The following KCNK17 variants were observed in gnomAD, a reference collection of about 807,000 sequenced individuals.
KCNK17 encodes potassium two pore domain channel subfamily K member 17.
Under a neutral mutation model 24.6 loss-of-function variants are expected in KCNK17, and 27 were observed. The observed-to-expected ratio is 1.10, with a 90% CI of 0.81 to 1.51. The LOEUF (loss-of-function observed/expected upper bound fraction) is 1.51. Ranked by LOEUF, KCNK17 falls within the 40% of genes most tolerant of loss-of-function variation. The pLI, the probability that KCNK17 is intolerant of heterozygous loss-of-function variation, is 0.00. For synonymous variants in KCNK17, 181 were observed against 189.8 expected (o/e 0.95, Z 0.38); for missense variants, 450 against 436.6 (o/e 1.03, Z -0.27).
At chr6:39,310,670 G>GA (rs1311140555) in intron 2 of KCNK17, among the ~76,000 whole-genome samples, 1 of 152,156 alleles carries the variant, frequency 6.6e-6, no homozygotes, top group Non-Finnish European at 1.5e-5. Context: ...CTCGAACAGT[G>GA]CACATGAATC....
At chr6:39,311,330 T>TTTCTC in intron 1 of KCNK17, among the ~76,000 whole-genome samples, 1 of 152,174 alleles carries the variant, frequency 6.6e-6, no homozygotes, top group East Asian at 1.9e-4. Flanking sequence ...TCACTCCCAT[T>TTTCTC]CCTGCAACAA....
At position 39,304,508 on chromosome 6, in the gene KCNK17, C is replaced by G; in HGVS notation, c.500G>C (p.Gly167Ala). Residue 167 changes from glycine to alanine, a missense_variant, in exon 3 of 5, where the codon GGG (glycine) becomes GCG (alanine). Coordinates refer to ENST00000373231, the MANE Select transcript of KCNK17 (RefSeq NM_031460.4). ...CAGCCCCCTCACCTGCCAGGTGCCCCCCAGCCTGCTGGCCCAGTGGTTTAC... is the reference window on the plus strand; with the variant it reads ...CAGCCCCCTCACCTGCCAGGTGCCCGCCAGCCTGCTGGCCCAGTGGTTTAC... ...QGVNHWASRL[G>A]GTWQDPDKAR... is the part of the protein sequence containing the mutation. 1 of 1,613,416 alleles carries G rather than the reference C, an allele frequency of 6.2e-7. No homozygotes were observed. The highest frequency in any genetic ancestry group is 8.5e-7 in the Non-Finnish European group (1 of 1,179,382).
At position 39,312,317 on chromosome 6, in the gene KCNK17, A is replaced by G. The variant is rs1331588963; in HGVS notation, c.238-1310T>C. ...TGGTGCTCAGAAAGATCTGGGCTGG[A>G]TACCACATCCTTATTCCTGGAGTTG... On this transcript the variant is annotated intron_variant, in intron 1 of 4. Coordinates refer to ENST00000373231, the MANE Select transcript of KCNK17 (RefSeq NM_031460.4). Among the ~76,000 whole-genome samples the G allele has an allele frequency of 2.0e-5, 3 of 151,978 alleles. No homozygotes were observed. The East Asian group carries it at 5.8e-4, about 29-fold the overall frequency.
chr6:39,303,855 C>A (rs939229558), intron 4 of KCNK17, 102 bp downstream of exon 4: 115 of 1,339,874 alleles, frequency 8.6e-5, no homozygotes, highest in Non-Finnish European at 1.1e-4. Context: ...CAAAAGCCCC[C>A]ACATGGCGTG....
At chr6:39,304,287 T>G in intron 3 of KCNK17, 156 bp from the exon 4 acceptor site, 1 of 801,070 alleles carries the variant, frequency 1.2e-6, no homozygotes, top group Non-Finnish European at 2.0e-6. Flanking sequence ...CTGTGCCTCA[T>G]GTCCTTCCTG....
chr6:39,310,255 C>G (rs1474220694), intron 2 of KCNK17, among the ~76,000 whole-genome samples: 2 of 152,138 alleles, frequency 1.3e-5, no homozygotes, highest in East Asian at 3.9e-4. Flanking sequence ...TCAGCACCCT[C>G]CTGAGACAAG....
intron 2 of KCNK17, among the ~76,000 whole-genome samples, chr6:39,307,743 C>T (rs933311569): frequency 6.6e-6 from 1 of 152,210 alleles, no homozygotes; most frequent in Non-Finnish European, 1.5e-5. Flanking sequence ...CAGCATGTCT[C>T]CTCACTGCCA....
At chr6:39,303,671 G>A (rs187701596) in intron 4 of KCNK17, among the ~76,000 whole-genome samples, 58 of 152,264 alleles carry the variant, frequency 3.8e-4, no homozygotes, top group Non-Finnish European at 7.8e-4. Context: ...AGACCCTGGG[G>A]CAAGCATGGA....
Position 39,308,928 on chromosome 6 carries a change from C to A in KCNK17, c.352+1965G>T, listed in dbSNP as rs544611623. ...TGGTCAGCATCACAGAACCCTCACT[C>A]CCCTCCTGTTCACTCCACAATGGCT... On this transcript the variant is annotated intron_variant, in intron 2 of 4. Transcript: ENST00000373231. 5.9e-5 allele frequency among the ~76,000 whole-genome samples: 9 copies of A among 152,366 alleles called. No homozygotes were observed. The South Asian group carries it at 1.9e-3, about 32-fold the overall frequency.
At chr6:39,313,927 G>A (rs927013254) in intron 1 of KCNK17, among the ~76,000 whole-genome samples, 157 bp downstream of exon 1, 2 of 152,112 alleles carry the variant, frequency 1.3e-5, no homozygotes, top group African/African-American at 2.4e-5. Flanking sequence ...GCGCAGGAAC[G>A]CCCACCCCCG....
Position 39,310,830 on chromosome 6 carries a change from T to C in KCNK17, c.352+63A>G, listed in dbSNP as rs796249795. 60 of 1,134,548 alleles carry C rather than the reference T, an allele frequency of 5.3e-5. No homozygotes were observed. The African/African-American group carries it at 7.6e-4, about 14-fold the overall frequency. 70.3% of individuals were successfully genotyped at this position (1,134,548 alleles called of 1,614,324 possible). On this transcript the variant is annotated intron_variant, in intron 2 of 4. Transcript: ENST00000373231. Reference sequence around the variant, plus strand: ...ATCCCTCCAAAAGGCAACTAGCCTGTTGCCTCTCAGGGAGCTGCCTCCTTC... The same window carrying C: ...ATCCCTCCAAAAGGCAACTAGCCTGCTGCCTCTCAGGGAGCTGCCTCCTTC...
In KCNK17 at chr6:39,314,130, T is replaced by C; in HGVS notation, c.191A>G (p.Gln64Arg). ...CGGGCGGTCCAGACACGTGAAGTTC[T>C]GCAACAGCTCCCACTTGTCGCGCTG... is the stretch of plus-strand genomic sequence containing the variant. ...SFQRDKWELL[Q>R]NFTCLDRPAL... The change falls in exon 1 of 5, where the codon CAG becomes CGG. Residue 64 changes from glutamine to arginine, a missense_variant. By Grantham distance (43) the Gln-to-Arg change is conservative. Coordinates refer to ENST00000373231, the MANE Select transcript of KCNK17 (RefSeq NM_031460.4). The C allele has an allele frequency of 6.3e-7, 1 of 1,596,928 alleles. No homozygotes were observed. Among genetic ancestry groups the C allele is most frequent in the Non-Finnish European group, 8.5e-7 (1 of 1,174,758 alleles).
intron 4 of KCNK17, among the ~76,000 whole-genome samples, chr6:39,303,313 G>C (rs1458994867): frequency 7.2e-5 from 11 of 152,170 alleles, no homozygotes; most frequent in African/African-American, 2.7e-4. Flanking sequence ...TGATGAGGCT[G>C]AGCTGGGGCG....
intron 2 of KCNK17, among the ~76,000 whole-genome samples, chr6:39,305,812 C>T (rs933315119): frequency 2.6e-5 from 4 of 152,170 alleles, no homozygotes; most frequent in African/African-American, 4.8e-5. Context: ...CAGGTCCACT[C>T]GTGCCTCTGC....
At position 39,314,146 on chromosome 6, in the gene KCNK17, TG is replaced by T; in HGVS notation, c.174del (p.Asp58GlufsTer20). 14 of 1,587,740 alleles carry T rather than the reference TG, an allele frequency of 8.8e-6. No individual in the cohort carries two copies. The highest frequency in any genetic ancestry group is 1.2e-5 in the Non-Finnish European group (14 of 1,170,308). ...GTGAAGTTCTGCAACAGCTCCCACTTGTCGCGCTGGAAGCTGCGGCTGGAGT... is the reference window on the plus strand; with the variant it reads ...GTGAAGTTCTGCAACAGCTCCCACTTTCGCGCTGGAAGCTGCGGCTGGAGT... ...AQDSSRSFQR[D>X]KWELLQNFTC... On this transcript the variant is annotated frameshift_variant, in exon 1 of 5. Transcript: ENST00000373231. LOFTEE classifies it high-confidence loss of function.
At chr6:39,303,513 C>G (rs762632123) in intron 4 of KCNK17, among the ~76,000 whole-genome samples, 8 of 152,224 alleles carry the variant, frequency 5.3e-5, no homozygotes, top group Non-Finnish European at 1.5e-5. Flanking sequence ...AATCTGCCTG[C>G]CAACTGTTTT....
At chr6:39,300,953 T>G (rs1449169018) in intron 4 of KCNK17, among the ~76,000 whole-genome samples, 2 of 152,194 alleles carry the variant, frequency 1.3e-5, no homozygotes, top group Admixed American at 6.5e-5. Flanking sequence ...GAAAGTTACT[T>G]CCTCATCTGT....
rs1389006458 is a variant in KCNK17, at chr6:39,314,195, C to T, written c.126G>A (p.Thr42=). ...AGTCCTGCGCCGCGCGGCCCTCCAGCGTCCAGAACACGCCGGTGCCCAGCG... is the reference window on the plus strand; with the variant it reads ...AGTCCTGCGCCGCGCGGCCCTCCAGTGTCCAGAACACGCCGGTGCCCAGCG... ...YLALGTGVFW[T]LEGRAAQDSS... Residue 42 remains threonine (T), a synonymous_variant, in exon 1 of 5, where the codon ACG becomes ACA. Transcript: ENST00000373231. 1.3e-6 allele frequency: 2 copies of T among 1,550,886 alleles called. No homozygotes were observed. Among genetic ancestry groups the T allele is most frequent in the Non-Finnish European group, 1.7e-6 (2 of 1,152,148 alleles).
rs186090102 is a variant in KCNK17, at chr6:39,301,822, A to T, written c.689-2085T>A. Among the ~76,000 whole-genome samples, 584 of 152,294 alleles carry T rather than the reference A, an allele frequency of 3.8e-3. 4 individuals carry two copies. Among genetic ancestry groups the T allele is most frequent in the African/African-American group, 0.012 (483 of 41,560 alleles). On this transcript the variant is annotated intron_variant, in intron 4 of 4. Transcript: ENST00000373231. ...AAGACAGCGCCTCTTGTGGCTGCTG[A>T]TGCAGGGATGTGAACACCCAGTAGC... is the stretch of plus-strand genomic sequence containing the variant.
Sources: gnomAD v4.1 joint callset for allele counts (sites outside exome capture counted in the v4.1 genomes callset) on GRCh38, gnomAD v4.1.1 for gene constraint, MANE v1.5 for transcripts, NCBI Gene and HGNC (gene_info 2026-07-23, HGNC 2026-07-21) for gene names.